Variants in PWWP3A observed in about 807,000 individuals in gnomAD.
PWWP3A encodes PWWP domain containing 3A, DNA repair factor.
In PWWP3A, 53 loss-of-function variants were observed where a neutral mutation model predicts 79.0. That is an observed-to-expected ratio of 0.67 (90% CI 0.54 to 0.84). PWWP3A has a LOEUF of 0.84. PWWP3A is among the 40% of genes least tolerant of loss of function. PWWP3A has a pLI of 0.00. For missense variants in PWWP3A, 973 were observed against 948.0 expected (o/e 1.03, Z -0.35); for synonymous variants, 443 against 394.4 (o/e 1.12, Z -1.46).
chr19:1,359,418 T>TG (rs1414654080), intron 4 of PWWP3A: 1 of 150,792 alleles, frequency 6.6e-6, no homozygotes, highest in Non-Finnish European at 1.5e-5. Context: ...CAGATTGTGT[T>TG]GGGGGGCTGG....
At chr19:1,375,703 T>C (rs1389619837) in intron 13 of PWWP3A, among the ~76,000 whole-genome samples, 2 of 139,754 alleles carry the variant, frequency 1.4e-5, no homozygotes, top group Non-Finnish European at 3.0e-5. Flanking sequence ...AACAATTTAA[T>C]ATATAATATA....
intron 4 of PWWP3A, 137 bp downstream of exon 4, chr19:1,358,601 CCT>C (rs1405907370): frequency 1.9e-6 from 3 of 1,578,240 alleles, no homozygotes; most frequent in African/African-American, 1.4e-5. Context: ...ACGCGAATCC[CCT>C]GAGCTGAAGG....
At chr19:1,371,180 GGCCGTTC>G in intron 12 of PWWP3A, 102 bp downstream of exon 12, 1 of 1,388,260 alleles carries the variant, frequency 7.2e-7, no homozygotes. Flanking sequence ...CCTGCTCCCT[GGCCGTTC>G]GGCGGCCAAC....
At chr19:1,372,911 A>C (rs1307010967) in intron 12 of PWWP3A, 161 bp from the exon 13 acceptor site, 7 of 600,786 alleles carry the variant, frequency 1.2e-5, no homozygotes, top group Admixed American at 3.0e-5. Context: ...CATTACAAGC[A>C]GGGATTCATG....
rs956633908 is a variant in PWWP3A, at chr19:1,356,398, G to A, written c.6G>A (p.Ala2=). Residue 2 remains alanine, a synonymous_variant, in exon 2 of 14, where the codon GCG becomes GCA. Transcript: ENST00000591337. ...TTGCCACATGAGTGTAAATGATGGC[G>A]GATGCCAAGTATGTCCTCTGCCGAT... M[A]DAKYVLCRWE... is the part of the protein sequence containing the mutation. 7 of 1,614,034 alleles carry A rather than the reference G, an allele frequency of 4.3e-6. No homozygotes were observed. The Admixed American group carries it at 8.3e-5, about 19-fold the overall frequency.
chr19:1,364,472 T>TC (rs1344807152), intron 6 of PWWP3A, 37 bp from the exon 7 acceptor site: 8 of 1,488,832 alleles, frequency 5.4e-6, no homozygotes, highest in Non-Finnish European at 7.4e-6. Context: ...ACTTGTCTAT[T>TC]CTTTTTTTTT....
At chr19:1,372,743 C>CTTTTCT (rs2082288775) in intron 12 of PWWP3A, 1 of 231,634 alleles carries the variant, frequency 4.3e-6, no homozygotes, top group African/African-American at 2.3e-5. Flanking sequence ...GGCGACAGGG[C>CTTTTCT]GAGACTCTGT....
At chr19:1,359,752 A>C (rs1600100188) in intron 4 of PWWP3A, 3 of 161,668 alleles carry the variant, frequency 1.9e-5, no homozygotes, top group Non-Finnish European at 4.0e-5. Context: ...AGAGTTCTTT[A>C]TTTAGTTGGC....
At chr19:1,366,702 A>G (rs2082136301) in intron 8 of PWWP3A, among the ~76,000 whole-genome samples, 1 of 152,252 alleles carries the variant, frequency 6.6e-6, no homozygotes, top group Non-Finnish European at 1.5e-5. Context: ...CAAAATGTCC[A>G]CGCAGGTGTG....
In PWWP3A at chr19:1,364,491, T is replaced by G. The variant is rs1262404657; in HGVS notation, c.1214-18T>G. The G allele has an allele frequency of 2.5e-6, 4 of 1,574,664 alleles. No individual in the cohort carries two copies. The highest frequency in any genetic ancestry group is 3.4e-6 in the Non-Finnish European group (4 of 1,164,612). On this transcript the variant is annotated intron_variant, in intron 6 of 13. Coordinates refer to ENST00000591337, the MANE Select transcript of PWWP3A (RefSeq NM_001369789.1). ...GTCTATTCTTTTTTTTTTGTTTTTC[T>G]TTTTTCTTTAATTCTAGAACCACGT...
Position 1,356,410 on chromosome 19 carries a change from T to C in PWWP3A, c.18T>C (p.Tyr6=). The change falls in exon 2 of 14, where the codon TAT becomes TAC. Residue 6 remains tyrosine, a synonymous_variant. Coordinates refer to ENST00000591337, the MANE Select transcript of PWWP3A (RefSeq NM_001369789.1). ...TGTAAATGATGGCGGATGCCAAGTA[T>C]GTCCTCTGCCGATGGGAAAAGCGAT... The part of the protein sequence containing the change: MADAK[Y]VLCRWEKRLW... 6.2e-7 allele frequency: 1 copy of C among 1,614,218 alleles called. No individual in the cohort carries two copies. Among genetic ancestry groups the C allele is most frequent in the African/African-American group, 1.3e-5 (1 of 75,066 alleles).
At chr19:1,364,398 T>G in intron 6 of PWWP3A, 111 bp from the exon 7 acceptor site, 1 of 786,432 alleles carries the variant, frequency 1.3e-6, no homozygotes, top group East Asian at 2.5e-5. Flanking sequence ...AAAGTCAGGT[T>G]TTAACAATAT....
rs1398834108 is a variant in PWWP3A, at chr19:1,371,184, G to A, written c.1986+106G>A. ...CGGTCCTCGCCCCTGCTCCCTGGCC[G>A]TTCGGCGGCCAACGGAGCGTGGAGG... On this transcript the variant is annotated intron_variant, in intron 12 of 13. Coordinates refer to ENST00000591337, the MANE Select transcript of PWWP3A (RefSeq NM_001369789.1). 16 of 1,348,500 alleles carry A rather than the reference G, an allele frequency of 1.2e-5. No homozygotes were observed. In the East Asian group the frequency reaches 1.7e-4, roughly 15 times the overall value. 83.5% of individuals were successfully genotyped at this position (1,348,500 alleles called of 1,614,324 possible).
At chr19:1,375,538 T>TATATAAAATATATAC (rs1355785315) in intron 13 of PWWP3A, among the ~76,000 whole-genome samples, 1 of 6,426 alleles carries the variant, frequency 1.6e-4, no homozygotes, top group African/African-American at 4.3e-4. Flanking sequence ...TTTATATATT[T>TATATAAAATATATAC]TATATATAAA....
intron 13 of PWWP3A, among the ~76,000 whole-genome samples, chr19:1,376,291 G>GTTTTTTTTTTT (rs1350699607): frequency 3.5e-4 from 18 of 50,856 alleles, no homozygotes; most frequent in African/African-American, 5.2e-4. Context: ...ACGCCCGGCT[G>GTTTTTTTTTTT]TTTGTTTTTT....
intron 2 of PWWP3A, 132 bp downstream of exon 2, chr19:1,356,581 C>T (rs1393263778): frequency 1.6e-5 from 13 of 806,632 alleles, no homozygotes; most frequent in East Asian, 8.0e-5. Context: ...CACTGATTCT[C>T]GTTCCCCATT....
At chr19:1,373,017 A>G in intron 12 of PWWP3A, 55 bp from the exon 13 acceptor site, 1 of 1,547,936 alleles carries the variant, frequency 6.5e-7, no homozygotes, top group Non-Finnish European at 8.9e-7. Flanking sequence ...ACCGCAGGCC[A>G]CTTGGGGCCA....
At chr19:1,366,605 A>G (rs1175570635) in intron 8 of PWWP3A, among the ~76,000 whole-genome samples, 1 of 152,176 alleles carries the variant, frequency 6.6e-6, no homozygotes, top group Admixed American at 6.5e-5. Context: ...GGTCTGGTCA[A>G]ACACCCCAGT....
chr19:1,358,480 T>A lies in PWWP3A; in HGVS notation c.214+16T>A. 6.2e-7 allele frequency: 1 copy of A among 1,613,324 alleles called. No individual in the cohort carries two copies. Among genetic ancestry groups the A allele is most frequent in the Non-Finnish European group, 8.5e-7 (1 of 1,179,506 alleles). On this transcript the variant is annotated intron_variant, in intron 4 of 13. Coordinates refer to ENST00000591337, the MANE Select transcript of PWWP3A (RefSeq NM_001369789.1). ...TCCTCGTTAGGTAAGAGCGTATTTT[T>A]AAGTGGCCACTAGGTTTTCATAAAA...
Sources: allele counts gnomAD v4.1 joint callset (sites outside exome capture counted in the v4.1 genomes callset), GRCh38; gene constraint gnomAD v4.1.1; transcripts MANE v1.5; gene names NCBI Gene and HGNC (gene_info 2026-07-23, HGNC 2026-07-21).